Variants in PDE1A observed in about 807,000 individuals in gnomAD.
The protein encoded by PDE1A is phosphodiesterase 1A, also known as dual specificity calcium/calmodulin-dependent 3',5'-cyclic nucleotide phosphodiesterase 1A.
PDE1A carries 35 observed loss-of-function variants against 61.7 expected under a neutral mutation model. That is an observed-to-expected ratio of 0.57 (90% CI 0.43 to 0.75). The LOEUF is 0.75. PDE1A is among the 30% of genes least tolerant of loss of function. The pLI, the probability that PDE1A is intolerant of heterozygous loss-of-function variation, is 0.00. For missense variants in PDE1A, 597 were observed against 630.6 expected, an observed-to-expected ratio of 0.95 and a Z score of 0.57; for synonymous variants, 232 against 213.2, an observed-to-expected ratio of 1.09 and a Z score of -0.77.
chr2:182,519,398 A>C (rs555378333), intron 2 of PDE1A, among the ~76,000 whole-genome samples: 2 of 152,150 alleles, frequency 1.3e-5, no homozygotes, highest in African/African-American at 4.8e-5. Context: ...CTGAGTAACA[A>C]ATTAGTGGTT....
At chr2:182,286,031 T>C (rs189441025) in intron 1 of PDE1A, among the ~76,000 whole-genome samples, 5 of 152,310 alleles carry the variant, frequency 3.3e-5, no homozygotes, top group Admixed American at 2.6e-4. Flanking sequence ...ACTTGATTTG[T>C]AGAGAAAATT....
intron 1 of PDE1A, among the ~76,000 whole-genome samples, chr2:182,384,485 TAATAAA>T (rs1417036746): frequency 5.0e-5 from 7 of 140,756 alleles, no homozygotes; most frequent in African/African-American, 1.8e-4. Flanking sequence ...ATAATAATAA[TAATAAA>T]ATAGAAATCC....
chr2:182,468,821 C>A (rs1686839308), intron 2 of PDE1A, among the ~76,000 whole-genome samples: 1 of 151,986 alleles, frequency 6.6e-6, no homozygotes, highest in African/African-American at 2.4e-5. Context: ...TATGAGCAGG[C>A]ATGAAAACAG....
At chr2:182,566,102 G>T in the PDE1A span, among the ~76,000 whole-genome samples, 3 of 152,004 alleles carry the variant, frequency 2.0e-5, no homozygotes, top group African/African-American at 7.2e-5. Flanking sequence ...CAGACCTTCT[G>T]CTTGACATTC....
the PDE1A span, among the ~76,000 whole-genome samples, chr2:182,703,368 A>G: frequency 6.6e-5 from 10 of 152,220 alleles, no homozygotes; most frequent in Non-Finnish European, 1.5e-4. Context: ...ATTCTAATGT[A>G]GAGTATACAG....
intron 6 of PDE1A, among the ~76,000 whole-genome samples, chr2:182,225,047 A>AAAG (rs1689033174): frequency 1.3e-5 from 2 of 152,006 alleles, no homozygotes; most frequent in African/African-American, 4.8e-5. Context: ...ACACTTGATA[A>AAAG]AAGTTTGCAG....
the PDE1A span, among the ~76,000 whole-genome samples, chr2:182,572,882 A>C: frequency 1.3e-5 from 2 of 151,808 alleles, no homozygotes; most frequent in Non-Finnish European, 2.9e-5. Flanking sequence ...AAAAAAAAAA[A>C]AAAAAAAGTG....
chr2:182,195,438 C>T (rs1485514735), intron 10 of PDE1A, among the ~76,000 whole-genome samples: 2 of 152,066 alleles, frequency 1.3e-5, no homozygotes, highest in African/African-American at 2.4e-5. Context: ...AAGCTAGGGC[C>T]TACCCTTGAG....
the PDE1A span, among the ~76,000 whole-genome samples, chr2:182,671,177 T>A: frequency 1.3e-5 from 2 of 150,132 alleles, no homozygotes; most frequent in African/African-American, 2.5e-5. Context: ...GGATCACACT[T>A]TTTTTTCTTT....
intron 1 of PDE1A, among the ~76,000 whole-genome samples, chr2:182,336,976 T>TAAAAAAAA (rs10679939): frequency 0.057 from 8,460 of 148,582 alleles, 368 homozygotes; most frequent in African/African-American, 0.11. Context: ...TTTTTTTTTT[T>TAAAAAAAA]AAATAAAGAA....
chr2:182,611,781 A>G, the PDE1A span, among the ~76,000 whole-genome samples: 2 of 152,230 alleles, frequency 1.3e-5, no homozygotes, highest in South Asian at 4.1e-4. Flanking sequence ...ATTTGAAAGC[A>G]AAAGAATTGC....
rs939691642 is a variant in PDE1A, at chr2:182,436,083, T to A, written c.101+86193A>T. On this transcript the variant is annotated intron_variant, in intron 2 of 14. Coordinates refer to the PDE1A transcript ENST00000410103. ...TAAGGTTCTGTGTAAATAATCCAAA[T>A]GTATAGAAATAGGTTACAACACTTA... Among the ~76,000 whole-genome samples the A allele has an allele frequency of 2.0e-5, 3 of 152,110 alleles. No homozygotes were observed. In the South Asian group the frequency reaches 6.2e-4, roughly 31 times the overall value.
intron 13 of PDE1A, among the ~76,000 whole-genome samples, chr2:182,184,014 GAAAGAAAGA>G (rs1684993538): frequency 2.5e-5 from 1 of 39,850 alleles, no homozygotes; most frequent in Non-Finnish European, 8.0e-5. Context: ...AGAGAAGAAA[GAAAGAAAGA>G]AAGAAAGAAA....
chr2:182,606,859 G>T, the PDE1A span, among the ~76,000 whole-genome samples: 1,056 of 152,246 alleles, frequency 6.9e-3, 14 homozygotes, highest in African/African-American at 0.024. Flanking sequence ...AAGTACAAAG[G>T]TGTCACCAAA....
the PDE1A span, among the ~76,000 whole-genome samples, chr2:182,646,696 A>T: frequency 6.6e-6 from 1 of 152,120 alleles, no homozygotes; most frequent in African/African-American, 2.4e-5. Flanking sequence ...AAAAAAAAAA[A>T]AAGAATTAAG....
chr2:182,162,784 G>C (rs1042334441), intron 13 of PDE1A, among the ~76,000 whole-genome samples: 2 of 152,132 alleles, frequency 1.3e-5, no homozygotes, highest in African/African-American at 2.4e-5. Context: ...GGAGTCAGGT[G>C]ATTCATGGAG....
intron 1 of PDE1A, among the ~76,000 whole-genome samples, chr2:182,343,403 G>C (rs1486859147): frequency 6.6e-6 from 1 of 152,124 alleles, no homozygotes; most frequent in Non-Finnish European, 1.5e-5. Flanking sequence ...AATTTAAATA[G>C]GAAATAATTC....
chr2:182,397,626 C>G (rs1701780377), intron 1 of PDE1A, among the ~76,000 whole-genome samples: 1 of 152,108 alleles, frequency 6.6e-6, no homozygotes, highest in Non-Finnish European at 1.5e-5. Context: ...GAAATGTCCT[C>G]TACCTGTTTC....
intron 2 of PDE1A, among the ~76,000 whole-genome samples, chr2:182,496,741 A>C (rs539244756): frequency 6.6e-6 from 1 of 152,374 alleles, no homozygotes; most frequent in East Asian, 1.9e-4. Context: ...ATAGGTATCT[A>C]GAGGCAGCGG....
Sources: gnomAD v4.1 joint callset for allele counts (sites outside exome capture counted in the v4.1 genomes callset) on GRCh38, gnomAD v4.1.1 for gene constraint, MANE v1.5 for transcripts, NCBI Gene and HGNC (gene_info 2026-07-23, HGNC 2026-07-21) for gene names.